The following THADA variants were observed in gnomAD, a reference collection of about 807,000 sequenced individuals.
The protein encoded by THADA is THADA armadillo repeat containing.
THADA carries 213 observed loss-of-function variants against 219.8 expected under a neutral mutation model. That is an observed-to-expected ratio of 0.97 (90% confidence interval 0.87 to 1.09). THADA has a LOEUF of 1.09. Among genes scored for constraint, THADA ranks in the 50% least tolerant of loss-of-function variants. The probability of loss-of-function intolerance (pLI) is 0.00; values close to 1 mark genes in which losing one functional copy is unlikely to be tolerated. For synonymous variants in THADA, 1,018 were observed against 828.9 expected (o/e 1.23, Z -3.92); for missense variants, 2,956 against 2,311.3 (o/e 1.28, Z -5.72).
chr2:43,257,108 G>C (rs796396589), intron 36 of THADA, among the ~76,000 whole-genome samples: 1 of 152,160 alleles, frequency 6.6e-6, no homozygotes, highest in African/African-American at 2.4e-5. Flanking sequence ...TGGGTGGAGA[G>C]GGGGGATGGA....
Position 43,581,870 on chromosome 2 carries a change from T to C in THADA, c.592A>G (p.Ile198Val), listed in dbSNP as rs1425909809. The C allele has an allele frequency of 5.0e-6, 8 of 1,606,590 alleles. No individual in the cohort carries two copies. Among genetic ancestry groups the C allele is most frequent in the Non-Finnish European group, 6.8e-6 (8 of 1,177,850 alleles). The change falls in exon 8 of 38, where the codon ATT (isoleucine) becomes GTT (valine). Residue 198 changes from isoleucine to valine, a missense_variant. Transcript: ENST00000405975. ...TGTACTAACATCATTGAAACTCTAA[T>C]GCCTACCAGTAAGTCATTCATCAAC... is the stretch of plus-strand genomic sequence containing the variant. ...TQLMNDLLVG[I>V]RVSMMLVQKV...
intron 22 of THADA, among the ~76,000 whole-genome samples, chr2:43,509,353 T>C (rs1421265399): frequency 6.6e-6 from 1 of 152,228 alleles, no homozygotes. Flanking sequence ...TTCTGCATTA[T>C]TACATTAAGC....
intron 25 of THADA, among the ~76,000 whole-genome samples, chr2:43,489,231 A>G (rs1687305037): frequency 6.6e-6 from 1 of 152,124 alleles, no homozygotes; most frequent in South Asian, 2.1e-4. Context: ...CCCAGGATGG[A>G]GTGCAGTGGT....
rs188100887 is a variant in THADA at position 43,338,309 on chromosome 2, A to G, written c.4343+5813T>C. 5.3e-5 allele frequency among the ~76,000 whole-genome samples: 8 copies of G among 152,146 alleles called. No homozygotes were observed. In the East Asian group the frequency reaches 1.5e-3, roughly 29 times the overall value. On this transcript the variant is annotated intron_variant, in intron 30 of 37. Transcript: ENST00000405975. ...GTAGCTGGGACTACAGGTGTGCGCA[A>G]CCACACCTGGCTAATTTTTTGTATT...
At chr2:43,496,117 G>A (rs1688246543) in intron 25 of THADA, among the ~76,000 whole-genome samples, 1 of 152,174 alleles carries the variant, frequency 6.6e-6, no homozygotes, top group Non-Finnish European at 1.5e-5. Flanking sequence ...TAACTGGAAA[G>A]CCTGACTTTC....
At position 43,230,976 on chromosome 2, in the gene THADA, G is replaced by C; in HGVS notation, c.5834C>G (p.Thr1945Ser). ...WDSYAESRQL[T>S]LPRTEAAC ...ACATGCCGCTTCTGTTCTTGGAAGA[G>C]TTAACTGCCTCGATTCTGCATAAGA... The change falls in exon 38 of 38, where the codon ACT becomes AGT. Residue 1945 changes from threonine to serine, a missense_variant. Thr to Ser is a moderately conservative substitution (Grantham distance 58). Transcript: ENST00000405975. 1 of 1,612,760 alleles carries C rather than the reference G, an allele frequency of 6.2e-7. No homozygotes were observed. Among genetic ancestry groups the C allele is most frequent in the Non-Finnish European group, 8.5e-7 (1 of 1,178,928 alleles).
intron 36 of THADA, among the ~76,000 whole-genome samples, chr2:43,265,972 CACACACACACACACACACAG>C (rs1272838007): frequency 2.0e-4 from 28 of 137,696 alleles, no homozygotes; most frequent in Middle Eastern, 7.3e-3. Flanking sequence ...CACACACACA[CACACACACACACACACACAG>C]ACTCTTGAGG....
At chr2:43,321,104 C>G (rs1167969200) in intron 30 of THADA, among the ~76,000 whole-genome samples, 1 of 152,136 alleles carries the variant, frequency 6.6e-6, no homozygotes. Context: ...ATATATGGAG[C>G]AGCTCTTTGA....
chr2:43,434,169 G>C (rs1213446068), intron 26 of THADA, among the ~76,000 whole-genome samples: 3 of 152,200 alleles, frequency 2.0e-5, no homozygotes, highest in Non-Finnish European at 4.4e-5. Flanking sequence ...AGAAAGCACA[G>C]GAGCAGACAT....
chr2:43,478,082 G>C (rs1248033428), intron 26 of THADA, among the ~76,000 whole-genome samples: 1 of 152,030 alleles, frequency 6.6e-6, no homozygotes, highest in Non-Finnish European at 1.5e-5. Context: ...TTTCCATGTT[G>C]GTCTTACCTC....
At chr2:43,517,956 A>G (rs1691939897) in intron 22 of THADA, among the ~76,000 whole-genome samples, 1 of 152,160 alleles carries the variant, frequency 6.6e-6, no homozygotes, top group African/African-American at 2.4e-5. Flanking sequence ...TTGCTTGGAA[A>G]GCTCTTCTCC....
chr2:43,310,235 C>A (rs111851482), intron 31 of THADA, among the ~76,000 whole-genome samples: 1,528 of 126,552 alleles, frequency 0.012, 35 homozygotes, highest in Middle Eastern at 0.023. Flanking sequence ...CGCCCCCCCC[C>A]CAAACAAGCT....
At chr2:43,303,910 A>C (rs1676547727) in intron 31 of THADA, among the ~76,000 whole-genome samples, 1 of 152,194 alleles carries the variant, frequency 6.6e-6, no homozygotes, top group African/African-American at 2.4e-5. Context: ...CCCAAAAGTT[A>C]CATTTCCTAA....
chr2:43,371,498 T>C (rs929389297), intron 29 of THADA, among the ~76,000 whole-genome samples: 1 of 152,186 alleles, frequency 6.6e-6, no homozygotes, highest in Non-Finnish European at 1.5e-5. Flanking sequence ...GAGAGGGGAA[T>C]GAACTTTCAC....
chr2:43,404,313 C>T (rs954441220), intron 28 of THADA, among the ~76,000 whole-genome samples: 16 of 151,924 alleles, frequency 1.1e-4, no homozygotes, highest in African/African-American at 3.9e-4. Flanking sequence ...CCACCTCAGC[C>T]TCCTGAATAG....
intron 26 of THADA, among the ~76,000 whole-genome samples, chr2:43,445,668 CT>C (rs1407118147): frequency 6.6e-6 from 1 of 152,086 alleles, no homozygotes; most frequent in Non-Finnish European, 1.5e-5. Flanking sequence ...GATTTTTGGA[CT>C]TTTTTTGTTT....
chr2:43,459,459 C>G lies in THADA; in HGVS notation c.3836+25775G>C, dbSNP rs1683380673. Among the ~76,000 whole-genome samples, 3 of 152,142 alleles carry G rather than the reference C, an allele frequency of 2.0e-5. No individual in the cohort carries two copies. The South Asian group carries it at 6.2e-4, about 32-fold the overall frequency. On this transcript the variant is annotated intron_variant, in intron 26 of 37. Coordinates refer to ENST00000405975, the MANE Select transcript of THADA (RefSeq NM_022065.5). ...AGCTTCTGCTATGTCAGGCACTGCT[C>G]TAGGTGTTGAAGATAAAACACTGAA...
chr2:43,582,888 G>A (rs1031757562), intron 7 of THADA, among the ~76,000 whole-genome samples: 8 of 151,934 alleles, frequency 5.3e-5, no homozygotes, highest in Admixed American at 6.6e-5. Flanking sequence ...CTTCTAAAAT[G>A]CCAGGCTCTC....
chr2:43,586,715 A>T lies in THADA; in HGVS notation c.471T>A (p.Asn157Lys), dbSNP rs1453363621. The T allele has an allele frequency of 6.2e-7, 1 of 1,612,258 alleles. No individual in the cohort carries two copies. The highest frequency in any genetic ancestry group is 2.2e-5 in the East Asian group (1 of 44,834). ...AATAGGACTTACCATTTTTAAGCAG[A>T]TTATTAACACTTGCTCTACCTGTAG... ...NFNLGRASVN[N>K]LLKNVLHFLQ... Residue 157 changes from asparagine to lysine, a missense_variant, in exon 6 of 38, where the codon AAT becomes AAA. Transcript: ENST00000405975.
Sources: allele counts gnomAD v4.1 joint callset (sites outside exome capture counted in the v4.1 genomes callset), GRCh38; gene constraint gnomAD v4.1.1; transcripts MANE v1.5; gene names NCBI Gene and HGNC (gene_info 2026-07-23, HGNC 2026-07-21).